Variants in TTC29 observed in about 807,000 individuals in gnomAD.
TTC29 encodes the protein tetratricopeptide repeat domain 29.
In TTC29, 49 loss-of-function variants were observed where a neutral mutation model predicts 58.1. The observed-to-expected ratio is 0.84, with a 90% CI of 0.67 to 1.07. The LOEUF is 1.07. Among genes scored for constraint, TTC29 ranks in the 50% least tolerant of loss-of-function variants. The probability of loss-of-function intolerance (pLI) is 0.00; values close to 1 mark genes in which losing one functional copy is unlikely to be tolerated. For synonymous variants in TTC29, 209 were observed against 196.8 expected, an observed-to-expected ratio of 1.06 and a Z score of -0.52; for missense variants, 582 against 555.6, an observed-to-expected ratio of 1.05 and a Z score of -0.48.
intron 9 of TTC29, among the ~76,000 whole-genome samples, chr4:146,826,775 A>C (rs2150149174): frequency 6.6e-6 from 1 of 151,976 alleles, no homozygotes; most frequent in East Asian, 2.0e-4. Context: ...CTTTTTATGA[A>C]GTCCCATATT....
chr4:146,739,855 G>A (rs888065990), intron 11 of TTC29, among the ~76,000 whole-genome samples: 4 of 152,192 alleles, frequency 2.6e-5, no homozygotes, highest in Non-Finnish European at 5.9e-5. Flanking sequence ...TCTTCTCTCT[G>A]TTTGGGTACA....
intron 8 of TTC29, among the ~76,000 whole-genome samples, chr4:146,857,584 G>A (rs180999710): frequency 6.6e-6 from 1 of 152,282 alleles, no homozygotes; most frequent in East Asian, 1.9e-4. Flanking sequence ...GCTGCAAGCA[G>A]GCTTGTCTGC....
intron 6 of TTC29, among the ~76,000 whole-genome samples, chr4:146,898,893 C>A (rs1001821463): frequency 6.6e-6 from 1 of 152,202 alleles, no homozygotes; most frequent in Non-Finnish European, 1.5e-5. Context: ...TAGCCCCTCA[C>A]AAAGAAGGCT....
At chr4:146,876,078 C>G (rs1731237830) in intron 6 of TTC29, among the ~76,000 whole-genome samples, 1 of 152,160 alleles carries the variant, frequency 6.6e-6, no homozygotes, top group African/African-American at 2.4e-5. Context: ...ACAGCCTGTT[C>G]CTAGCCCAGC....
intron 2 of TTC29, among the ~76,000 whole-genome samples, chr4:146,940,259 TTTCCA>T (rs1341268201): frequency 6.6e-6 from 1 of 152,208 alleles, no homozygotes. Context: ...TAGCTATGGA[TTTCCA>T]ATGTTTATGT....
chr4:146,756,187 G>T (rs1276152943), intron 11 of TTC29, among the ~76,000 whole-genome samples: 3 of 151,158 alleles, frequency 2.0e-5, no homozygotes, highest in Non-Finnish European at 4.4e-5. Flanking sequence ...GGAGGAAAAT[G>T]GTGTGAACTC....
chr4:146,711,617 A>T (rs538341952), intron 11 of TTC29, among the ~76,000 whole-genome samples: 1 of 152,308 alleles, frequency 6.6e-6, no homozygotes, highest in African/African-American at 2.4e-5. Context: ...CTGCGTATAA[A>T]CTATGCTCCT....
chr4:146,941,637 G>A (rs981742431), intron 2 of TTC29, among the ~76,000 whole-genome samples: 16 of 152,178 alleles, frequency 1.1e-4, no homozygotes, highest in African/African-American at 2.7e-4. Flanking sequence ...GCTCAAAGAC[G>A]TTATGGAGAA....
chr4:146,902,702 C>T (rs1397221103), intron 6 of TTC29, among the ~76,000 whole-genome samples: 2 of 152,158 alleles, frequency 1.3e-5, no homozygotes, highest in Non-Finnish European at 2.9e-5. Context: ...CTAATACTCC[C>T]TATGTCTAGC....
chr4:146,843,355 G>A (rs1242805365), intron 8 of TTC29, among the ~76,000 whole-genome samples: 3 of 152,130 alleles, frequency 2.0e-5, no homozygotes, highest in Admixed American at 6.6e-5. Flanking sequence ...GCATTCCGCT[G>A]AAACTACACT....
At chr4:146,775,189 C>T (rs1055411963) in intron 11 of TTC29, among the ~76,000 whole-genome samples, 1 of 152,136 alleles carries the variant, frequency 6.6e-6, no homozygotes, top group Non-Finnish European at 1.5e-5. Flanking sequence ...TTGTGTCTTG[C>T]TTCTTTATCC....
intron 11 of TTC29, among the ~76,000 whole-genome samples, chr4:146,786,566 A>G (rs981050827): frequency 6.6e-6 from 1 of 152,164 alleles, no homozygotes; most frequent in South Asian, 2.1e-4. Context: ...CCTTCTGTAC[A>G]GTGAATTTAA....
intron 11 of TTC29, among the ~76,000 whole-genome samples, chr4:146,714,542 T>C (rs1742776628): frequency 1.3e-5 from 2 of 148,986 alleles, no homozygotes. Context: ...TATAAACCCA[T>C]AGATCCAAGA....
At chr4:146,738,192 G>A (rs755844820) in intron 11 of TTC29, among the ~76,000 whole-genome samples, 1 of 152,160 alleles carries the variant, frequency 6.6e-6, no homozygotes, top group Non-Finnish European at 1.5e-5. Context: ...AAATGAAAAA[G>A]TAGGGGTAAA....
At chr4:146,827,221 C>G (rs1727869007) in intron 9 of TTC29, among the ~76,000 whole-genome samples, 1 of 152,184 alleles carries the variant, frequency 6.6e-6, no homozygotes, top group African/African-American at 2.4e-5. Flanking sequence ...GCTCTTCCCT[C>G]TCTCCGTGGG....
intron 11 of TTC29, among the ~76,000 whole-genome samples, chr4:146,731,298 A>C (rs1744316276): frequency 6.6e-6 from 1 of 152,128 alleles, no homozygotes; most frequent in African/African-American, 2.4e-5. Context: ...GGTTGAATAA[A>C]GAAGACAAAA....
intron 11 of TTC29, among the ~76,000 whole-genome samples, chr4:146,742,980 AC>A (rs1745273755): frequency 6.6e-6 from 1 of 152,144 alleles, no homozygotes; most frequent in Non-Finnish European, 1.5e-5. Flanking sequence ...CTCAGATAGG[AC>A]TTTTTAAAGC....
At chr4:146,756,555 G>A (rs1746463762) in intron 11 of TTC29, among the ~76,000 whole-genome samples, 1 of 152,028 alleles carries the variant, frequency 6.6e-6, no homozygotes, top group Non-Finnish European at 1.5e-5. Context: ...GCCTCCATAT[G>A]GACAAGTAGA....
chr4:146,904,164 T>C (rs953638043), intron 5 of TTC29, among the ~76,000 whole-genome samples: 1 of 152,080 alleles, frequency 6.6e-6, no homozygotes, highest in Non-Finnish European at 1.5e-5. Flanking sequence ...ATAATGTAAA[T>C]GAAGAGAGCA....
Sources: allele counts gnomAD v4.1 joint callset (sites outside exome capture counted in the v4.1 genomes callset), GRCh38; gene constraint gnomAD v4.1.1; transcripts MANE v1.5; gene names NCBI Gene and HGNC (gene_info 2026-07-23, HGNC 2026-07-21).